Variants in SECISBP2L observed in about 807,000 individuals in gnomAD.
SECISBP2L encodes selenocysteine insertion sequence-binding protein 2-like.
A neutral mutation model predicts 114.7 loss-of-function variants in SECISBP2L; 43 were observed. That is an observed-to-expected ratio of 0.38 (90% confidence interval 0.29 to 0.48). The LOEUF (loss-of-function observed/expected upper bound fraction) is 0.48. Ranked by LOEUF, SECISBP2L falls within the 20% of genes least tolerant of loss-of-function variation. The pLI, the probability that SECISBP2L is intolerant of heterozygous loss-of-function variation, is 0.98. For missense variants in SECISBP2L, 1,136 were observed against 1,301.1 expected (o/e 0.87, Z 1.95); for synonymous variants, 451 against 439.7 (o/e 1.03, Z -0.32).
Position 48,992,842 on chromosome 15 carries a change from G to A in SECISBP2L, c.2708C>T (p.Thr903Ile). The A allele has an allele frequency of 6.2e-7, 1 of 1,614,166 alleles. No homozygotes were observed. Among genetic ancestry groups the A allele is most frequent in the South Asian group, 1.1e-5 (1 of 91,088 alleles). Residue 903 changes from threonine to isoleucine, a missense_variant, in exon 18 of 18, where the codon ACT (threonine) becomes ATT (isoleucine). Physicochemically the swap from Thr to Ile is moderately conservative, Grantham distance 89. This residue lies in a region of SECISBP2L where 684 missense variants were observed against 848.7 expected (regional missense o/e 0.81). Transcript: ENST00000559471. ...TGGAAGTTTACTGGGTTTTTCAGAA[G>A]TGCTGTGCTTACAGGATACCTCTTT... The part of the protein sequence containing the change: ...NEKEVSCKHS[T>I]SEKPSKLPFD...
intron 15 of SECISBP2L, among the ~76,000 whole-genome samples, 163 bp from the exon 16 acceptor site, chr15:49,000,150 G>A (rs1902172519): frequency 6.6e-6 from 1 of 152,094 alleles, no homozygotes; most frequent in Non-Finnish European, 1.5e-5. Context: ...ACAATATATG[G>A]AAGTATATAT....
intron 14 of SECISBP2L, among the ~76,000 whole-genome samples, chr15:49,006,173 C>A (rs1267685415): frequency 6.6e-6 from 1 of 152,164 alleles, no homozygotes; most frequent in East Asian, 1.9e-4. Context: ...CTCTGGCTGC[C>A]TTTAACATTT....
intron 1 of SECISBP2L, 95 bp downstream of exon 1, chr15:49,046,181 G>C: frequency 7.0e-7 from 1 of 1,427,072 alleles, no homozygotes; most frequent in East Asian, 2.7e-5. Flanking sequence ...CGCAGGACCG[G>C]CCCCCGGTCC....
intron 4 of SECISBP2L, among the ~76,000 whole-genome samples, chr15:49,030,005 TTTC>T (rs921930215): frequency 4.4e-4 from 67 of 151,284 alleles, no homozygotes; most frequent in East Asian, 1.9e-3. Context: ...CTGAGTTGTA[TTTC>T]TTATTTACTT....
intron 4 of SECISBP2L, among the ~76,000 whole-genome samples, chr15:49,031,608 T>A (rs1902890362): frequency 6.6e-6 from 1 of 152,132 alleles, no homozygotes; most frequent in Non-Finnish European, 1.5e-5. Flanking sequence ...TTTAATTCGA[T>A]CTCTGATTGA....
At chr15:49,019,894 T>C (rs756426619) in intron 7 of SECISBP2L, among the ~76,000 whole-genome samples, 1 of 152,168 alleles carries the variant, frequency 6.6e-6, no homozygotes, top group Non-Finnish European at 1.5e-5. Flanking sequence ...TAGAAGTCTG[T>C]ATCAACCACA....
chr15:48,999,724 A>C, intron 16 of SECISBP2L, 109 bp downstream of exon 16: 1 of 1,130,832 alleles, frequency 8.8e-7, no homozygotes, highest in Non-Finnish European at 1.2e-6. Context: ...CAGGGTTGTC[A>C]ACTCACTCCT....
chr15:49,031,059 T>TTTTTTTTTTTTTG (rs1902876516), intron 4 of SECISBP2L, among the ~76,000 whole-genome samples: 1 of 138,304 alleles, frequency 7.2e-6, no homozygotes, highest in African/African-American at 2.9e-5. Context: ...TTTTTTTTTT[T>TTTTTTTTTTTTTG]TCCCTTTTGA....
intron 7 of SECISBP2L, among the ~76,000 whole-genome samples, chr15:49,021,638 C>G (rs1009609861): frequency 6.6e-6 from 1 of 152,214 alleles, no homozygotes; most frequent in South Asian, 2.1e-4. Flanking sequence ...TGAATTCTCA[C>G]GCTTGCTGTT....
chr15:49,046,289 G>C lies in SECISBP2L; in HGVS notation c.11C>G (p.Ala4Gly). The change falls in exon 1 of 18, where the codon GCC becomes GGC. Residue 4 changes from alanine (A) to glycine (G), a missense_variant. Around this residue, in one of 2 missense-constraint regions of SECISBP2L, gnomAD observed 452 missense variants for 452.3 expected, o/e 1.00. Transcript: ENST00000559471. ...AAACCCGCGTACCTGCTCCGTGGGG[G>C]CTCGGTCCATGGTGCCTGCAGCCGC... The part of the protein sequence containing the change: MDR[A>G]PTEQNVKLSA... 1.3e-6 allele frequency: 2 copies of C among 1,558,524 alleles called. No individual in the cohort carries two copies. The highest frequency in any genetic ancestry group is 1.7e-6 in the Non-Finnish European group (2 of 1,153,848).
Position 49,019,303 on chromosome 15 carries a change from C to CT in SECISBP2L, c.1170+114dup, listed in dbSNP as rs1310375720. On this transcript the variant is annotated intron_variant, in intron 8 of 17. Coordinates refer to ENST00000559471, the MANE Select transcript of SECISBP2L (RefSeq NM_001193489.2). ...CTTCTGAGTAATTTATAATTTAATA[C>CT]TAGAATCACATGTTAAGACATAAAA... The CT allele has an allele frequency of 1.4e-5, 11 of 805,148 alleles. No homozygotes were observed. In the African/African-American group the frequency reaches 2.0e-4, roughly 14 times the overall value. 49.9% of individuals were successfully genotyped at this position (805,148 alleles called of 1,614,324 possible). A position where few individuals can be genotyped will look rare whatever the true frequency, so the allele number is the denominator to read the frequency against.
At position 48,996,466 on chromosome 15, in the gene SECISBP2L, G is replaced by A. The variant is rs745773087; in HGVS notation, c.2524C>T (p.His842Tyr). The A allele has an allele frequency of 1.2e-6, 2 of 1,614,108 alleles. No individual in the cohort carries two copies. Among genetic ancestry groups the A allele is most frequent in the East Asian group, 4.5e-5 (2 of 44,872 alleles). Residue 842 changes from histidine (H) to tyrosine (Y), a missense_variant, in exon 17 of 18, where the codon CAC becomes TAC. Coordinates refer to ENST00000559471, the MANE Select transcript of SECISBP2L (RefSeq NM_001193489.2). Reference protein sequence around the residue: ...EALKNVKKVPHHMGHSRNPSA... With the variant: ...EALKNVKKVPYHMGHSRNPSA... ...GGATTCCGAGAATGTCCCATGTGGT[G>A]TGGTACCTTCTTCACATTCTTTAAG...
Position 49,029,834 on chromosome 15 carries a change from G to A in SECISBP2L, c.665-1152C>T, listed in dbSNP as rs193253971. On this transcript the variant is annotated intron_variant, in intron 4 of 17. Coordinates refer to ENST00000559471, the MANE Select transcript of SECISBP2L (RefSeq NM_001193489.2). Reference sequence around the variant, plus strand: ...TCATCCAGACTGTACCTAATCTGTTGGTTATAAAATGGTGGCTCATTGTGG... The same window carrying A: ...TCATCCAGACTGTACCTAATCTGTTAGTTATAAAATGGTGGCTCATTGTGG... 9.3e-5 allele frequency among the ~76,000 whole-genome samples: 14 copies of A among 150,962 alleles called. No homozygotes were observed. The East Asian group carries it at 2.7e-3, about 29-fold the overall frequency.
intron 9 of SECISBP2L, among the ~76,000 whole-genome samples, chr15:49,017,230 G>A (rs1902555000): frequency 1.3e-5 from 2 of 152,152 alleles, no homozygotes; most frequent in African/African-American, 4.8e-5. Context: ...ATGGCTGCCT[G>A]GATCCTTGAA....
chr15:49,009,111 G>A (rs1902383171), intron 14 of SECISBP2L, 105 bp downstream of exon 14: 1 of 1,223,354 alleles, frequency 8.2e-7, no homozygotes, highest in Non-Finnish European at 1.2e-6. Context: ...AAGATCTCTG[G>A]TCTTTTGTCT....
intron 10 of SECISBP2L, 48 bp from the exon 11 acceptor site, chr15:49,016,749 T>C (rs1386106801): frequency 8.5e-6 from 13 of 1,522,274 alleles, no homozygotes; most frequent in Non-Finnish European, 1.1e-5. Flanking sequence ...AGTACGAAAC[T>C]GTGGCATTTT....
intron 7 of SECISBP2L, among the ~76,000 whole-genome samples, chr15:49,026,894 C>T (rs1229242229): frequency 6.6e-6 from 1 of 152,206 alleles, no homozygotes; most frequent in Non-Finnish European, 1.5e-5. Flanking sequence ...TGCAGTTACA[C>T]CTTGTTCCTC....
chr15:49,021,998 A>T (rs980985710), intron 7 of SECISBP2L, among the ~76,000 whole-genome samples: 3 of 152,238 alleles, frequency 2.0e-5, no homozygotes, highest in Non-Finnish European at 4.4e-5. Context: ...TAATTTAAAA[A>T]TTTTAAAGTT....
rs1021535876 is a variant in SECISBP2L, at chr15:48,988,809, G to C, written c.*3435C>G. On this transcript the variant is annotated 3_prime_UTR_variant, in exon 18 of 18. Coordinates refer to ENST00000559471, the MANE Select transcript of SECISBP2L (RefSeq NM_001193489.2). ...CACTAATTTTGCTAGTTTTTTATTA[G>C]AGCATTACAATTAAGACATTAAATT... The C allele has an allele frequency of 8.9e-6, 2 of 224,804 alleles. No individual in the cohort carries two copies. The highest frequency in any genetic ancestry group is 4.5e-5 in the African/African-American group (2 of 44,102). 13.9% of individuals were successfully genotyped at this position (224,804 alleles called of 1,614,324 possible).
Sources: gnomAD v4.1 joint callset for allele counts (sites outside exome capture counted in the v4.1 genomes callset) on GRCh38, gnomAD v4.1.1 for gene constraint, gnomAD v4.1.1 regional missense constraint, MANE v1.5 for transcripts, NCBI Gene and HGNC (gene_info 2026-07-23, HGNC 2026-07-21) for gene names.